The following SPRY3 variants were observed in gnomAD, a reference collection of about 807,000 sequenced individuals.
SPRY3 encodes the protein protein sprouty homolog 3.
In SPRY3, 15 loss-of-function variants were observed where a neutral mutation model predicts 20.2. The ratio of observed to expected loss-of-function variants is 0.74; its 90% CI spans 0.50 to 1.14. SPRY3 has a LOEUF of 1.14. Ranked by LOEUF, SPRY3 falls within the 50% of genes most tolerant of loss-of-function variation. The pLI is 0.00. For synonymous variants in SPRY3, 143 were observed against 136.5 expected, an observed-to-expected ratio of 1.05 and a Z score of -0.33; for missense variants, 364 against 363.9, an observed-to-expected ratio of 1.00 and a Z score of 0.00.
intron 2 of SPRY3, among the ~76,000 whole-genome samples, chrX:155,738,257 C>T (rs763082972): frequency 6.6e-6 from 1 of 151,606 alleles, no homozygotes; most frequent in South Asian, 2.1e-4. Flanking sequence ...AAACAAGGTG[C>T]AGACTGGGAA....
chrX:155,710,353 C>G (rs924450769), intron 2 of SPRY3, among the ~76,000 whole-genome samples: 1 of 151,486 alleles, frequency 6.6e-6, no homozygotes, highest in Non-Finnish European at 1.5e-5. Flanking sequence ...CAGTGTTTTA[C>G]AACTTTCATT....
At chrX:155,773,309 TATA>T (rs1569402332) in intron 3 of SPRY3, among the ~76,000 whole-genome samples, 3,935 of 134,098 alleles carry the variant, frequency 0.029, 114 homozygotes, top group Non-Finnish European at 0.042. Flanking sequence ...TTTGATTGGA[TATA>T]TATATATATA....
intron 2 of SPRY3, among the ~76,000 whole-genome samples, chrX:155,665,615 A>C (rs1273712857): frequency 9.0e-6 from 1 of 111,607 alleles, no homozygotes; most frequent in African/African-American, 3.2e-5. Flanking sequence ...AGGTATGTAC[A>C]GTATGAAACA....
intron 2 of SPRY3, among the ~76,000 whole-genome samples, chrX:155,729,845 ATAAG>A (rs1333102065): frequency 6.6e-6 from 1 of 152,138 alleles, no homozygotes; most frequent in Non-Finnish European, 1.5e-5. Context: ...GACGATGCAA[ATAAG>A]TAAAATAAGA....
chrX:155,782,377 A>G (rs2091468038), exon 2 of SPRY3: 1 of 166,994 alleles, frequency 6.0e-6, no homozygotes, highest in Admixed American at 6.6e-5. Flanking sequence ...ATGAATTTCC[A>G]GAGAGGGCCA....
intron 2 of SPRY3, among the ~76,000 whole-genome samples, chrX:155,704,128 C>CA (rs901360970): frequency 1.8e-4 from 27 of 150,654 alleles, no homozygotes; most frequent in Admixed American, 6.0e-4. Context: ...TGTGAAAAGG[C>CA]AAAAAAAAGA....
chrX:155,778,035 A>G, downstream of SPRY3: 1 of 167,096 alleles, frequency 6.0e-6, no homozygotes. Flanking sequence ...TCACAATTCT[A>G]CAACATAGGT....
intron 2 of SPRY3, among the ~76,000 whole-genome samples, chrX:155,704,833 A>G (rs1235858001): frequency 1.3e-5 from 2 of 151,634 alleles, no homozygotes; most frequent in African/African-American, 2.4e-5. Context: ...GTCATAAGCC[A>G]TACAAGTCAG....
At chrX:155,648,202 C>A (rs1390344206) in intron 1 of SPRY3, among the ~76,000 whole-genome samples, 1 of 112,212 alleles carries the variant, frequency 8.9e-6, no homozygotes, top group African/African-American at 3.2e-5. Context: ...GATTTTAGCC[C>A]TTTGTCAGAT....
intron 2 of SPRY3, among the ~76,000 whole-genome samples, chrX:155,751,614 A>T (rs2091262404): frequency 6.6e-6 from 1 of 151,814 alleles, no homozygotes; most frequent in Non-Finnish European, 1.5e-5. Context: ...TAATGTAAGA[A>T]TTTTTTCCAA....
intron 1 of SPRY3, among the ~76,000 whole-genome samples, chrX:155,643,586 C>G (rs1557351598): frequency 9.2e-6 from 1 of 109,220 alleles, no homozygotes; most frequent in Non-Finnish European, 1.9e-5. Flanking sequence ...ATTTTTTTTT[C>G]TGCTGGTATT....
intron 2 of SPRY3, among the ~76,000 whole-genome samples, chrX:155,728,550 T>G (rs1406474570): frequency 3.3e-5 from 5 of 152,170 alleles, no homozygotes; most frequent in Non-Finnish European, 7.4e-5. Flanking sequence ...GCTGCAGCCT[T>G]GCAGGTTGAT....
intron 1 of SPRY3, among the ~76,000 whole-genome samples, chrX:155,622,702 A>G (rs1245921237): frequency 8.9e-6 from 1 of 112,017 alleles, no homozygotes; most frequent in Non-Finnish European, 1.9e-5. Flanking sequence ...AAGTTTCTTC[A>G]TATTTAAAAG....
chrX:155,614,232 T>A (rs2067842850), intron 1 of SPRY3, among the ~76,000 whole-genome samples: 1 of 111,656 alleles, frequency 9.0e-6, no homozygotes, highest in African/African-American at 3.3e-5. Context: ...TGCCCTTATG[T>A]TTAAAGAACA....
At chrX:155,639,421 A>G (rs868962074) in intron 1 of SPRY3, among the ~76,000 whole-genome samples, 29 of 112,049 alleles carry the variant, frequency 2.6e-4, no homozygotes, top group African/African-American at 9.1e-4. Context: ...GTAGTTAACA[A>G]TCTCTGCTTC....
intron 2 of SPRY3, among the ~76,000 whole-genome samples, chrX:155,716,148 TC>T (rs2091020808): frequency 1.3e-5 from 2 of 152,148 alleles, no homozygotes; most frequent in South Asian, 4.1e-4. Flanking sequence ...CCACAATCTT[TC>T]TTGCCCCTGC....
chrX:155,711,399 G>C (rs1265647445), intron 2 of SPRY3, among the ~76,000 whole-genome samples: 1 of 151,598 alleles, frequency 6.6e-6, no homozygotes, highest in Non-Finnish European at 1.5e-5. Context: ...TATATATCTA[G>C]GAATTTATCC....
chrX:155,616,033 C>A (rs1192597070), intron 1 of SPRY3, among the ~76,000 whole-genome samples: 2 of 108,146 alleles, frequency 1.8e-5, no homozygotes, highest in Non-Finnish European at 3.8e-5. Context: ...TCGTCAAAAA[C>A]AAGGATTCCA....
exon 4 of SPRY3, chrX:155,775,496 T>C (rs2091419055): frequency 6.0e-6 from 1 of 167,150 alleles, no homozygotes; most frequent in Admixed American, 6.5e-5. Flanking sequence ...TATTTACTAA[T>C]TTTTATTAAG....
Sources: allele counts gnomAD v4.1 joint callset (sites outside exome capture counted in the v4.1 genomes callset), GRCh38; gene constraint gnomAD v4.1.1; transcripts MANE v1.5; gene names NCBI Gene and HGNC (gene_info 2026-07-23, HGNC 2026-07-21).